The following CNGB3 variants were observed in gnomAD, a reference collection of about 807,000 sequenced individuals.
CNGB3 encodes the protein cyclic nucleotide gated channel subunit beta 3.
Under a neutral mutation model 92.8 loss-of-function variants are expected in CNGB3, and 86 were observed. That is an observed-to-expected ratio of 0.93 (90% CI 0.78 to 1.11). CNGB3 has a LOEUF of 1.11. Ranked by LOEUF, CNGB3 falls within the 50% of genes least tolerant of loss-of-function variation. CNGB3 has a pLI of 0.00. For synonymous variants in CNGB3, 333 were observed against 332.7 expected (o/e 1.00, Z -0.01); for missense variants, 1,026 against 956.8 (o/e 1.07, Z -0.95).
At chr8:86,659,910 GA>G in intron 6 of CNGB3, 1 of 387,756 alleles carries the variant, frequency 2.6e-6, no homozygotes, top group South Asian at 2.2e-5. Flanking sequence ...TGTAGACTCA[GA>G]GGCAAGACAA....
intron 12 of CNGB3, 75 bp from the exon 13 acceptor site, chr8:86,626,155 A>C: frequency 8.7e-7 from 1 of 1,143,386 alleles, no homozygotes; most frequent in Non-Finnish European, 1.3e-6. Flanking sequence ...CAAGTAGAAA[A>C]ATTTTTAAAA....
rs996610472 is a variant in CNGB3, at chr8:86,584,615, C to G, written c.1782-5363G>C. On this transcript the variant is annotated intron_variant, in intron 15 of 17. Transcript: ENST00000320005. Reference sequence around the variant, plus strand: ...GTCCACAAAATGCTTCTCCAGCATTCCACCCATGGAAAGTTTCACTCATTA... The same window carrying G: ...GTCCACAAAATGCTTCTCCAGCATTGCACCCATGGAAAGTTTCACTCATTA... Among the ~76,000 whole-genome samples, 4 of 151,950 alleles carry G rather than the reference C, an allele frequency of 2.6e-5. No homozygotes were observed. In the East Asian group the frequency reaches 7.7e-4, roughly 29 times the overall value.
intron 8 of CNGB3, among the ~76,000 whole-genome samples, chr8:86,645,092 T>C (rs1017372712): frequency 6.6e-6 from 1 of 151,408 alleles, no homozygotes; most frequent in African/African-American, 2.4e-5. Flanking sequence ...TTAAGTCTTA[T>C]TGCTCAACAC....
chr8:86,699,504 C>T (rs1372588453), intron 3 of CNGB3, among the ~76,000 whole-genome samples: 2 of 152,068 alleles, frequency 1.3e-5, no homozygotes, highest in Non-Finnish European at 2.9e-5. Context: ...ATAAAAAAGA[C>T]TACTGAATGT....
Position 86,742,152 on chromosome 8 carries a change from A to G in CNGB3, c.129+1347T>C, listed in dbSNP as rs190777025. Among the ~76,000 whole-genome samples the G allele has an allele frequency of 1.8e-4, 28 of 152,358 alleles. No homozygotes were observed. In the Middle Eastern group the frequency reaches 0.01, roughly 56 times the overall value. On this transcript the variant is annotated intron_variant, in intron 1 of 17. Coordinates refer to ENST00000320005, the MANE Select transcript of CNGB3 (RefSeq NM_019098.5). ...TTACAATGTTCTCCAAGAGAATAAT[A>G]TATTAGCTATTAACGGTTTTTATGT...
intron 2 of CNGB3, among the ~76,000 whole-genome samples, chr8:86,736,506 G>C (rs1438943722): frequency 1.3e-5 from 2 of 152,014 alleles, no homozygotes; most frequent in African/African-American, 4.8e-5. Flanking sequence ...GTAATCCTTG[G>C]TTTTATGCTA....
intron 14 of CNGB3, among the ~76,000 whole-genome samples, chr8:86,607,722 T>A (rs990353054): frequency 6.6e-6 from 1 of 152,304 alleles, no homozygotes; most frequent in South Asian, 2.1e-4. Context: ...AAACTCCCAC[T>A]CTTTCAACCA....
chr8:86,731,399 T>C (rs1190925803), intron 2 of CNGB3, among the ~76,000 whole-genome samples: 2 of 152,184 alleles, frequency 1.3e-5, no homozygotes, highest in East Asian at 3.8e-4. Flanking sequence ...GGGATCTTTG[T>C]ATTTAGGAAG....
chr8:86,613,311 A>G (rs1337505028), intron 13 of CNGB3, among the ~76,000 whole-genome samples: 1 of 152,190 alleles, frequency 6.6e-6, no homozygotes, highest in African/African-American at 2.4e-5. Flanking sequence ...TCTAAAAGGC[A>G]TGGTTCTTTT....
chr8:86,661,352 CT>C (rs1823637080), intron 6 of CNGB3: 1 of 399,152 alleles, frequency 2.5e-6, no homozygotes, highest in Admixed American at 3.3e-5. Context: ...TATTGCTTTG[CT>C]TTTGCCAGAA....
chr8:86,644,878 G>A (rs923205142), intron 8 of CNGB3, among the ~76,000 whole-genome samples, 192 bp from the exon 9 acceptor site: 14 of 150,842 alleles, frequency 9.3e-5, no homozygotes, highest in Admixed American at 4.0e-4. Context: ...TACTTCCAGA[G>A]CTTTATTTTG....
Position 86,659,004 on chromosome 8 carries a change from A to G in CNGB3, c.853-4942T>C, listed in dbSNP as rs1823575109. 4 of 1,044,864 alleles carry G rather than the reference A, an allele frequency of 3.8e-6. No homozygotes were observed. The South Asian group carries it at 5.3e-5, about 14-fold the overall frequency. 64.7% of individuals were successfully genotyped at this position (1,044,864 alleles called of 1,614,324 possible). On this transcript the variant is annotated intron_variant, in intron 6 of 17. Transcript: ENST00000320005. Reference sequence around the variant, plus strand: ...TTGGAGCTGTCCTGCCAGACCCTCCAGCTCCTTCCGCAGGTGCTCGGCCTC... The same window carrying G: ...TTGGAGCTGTCCTGCCAGACCCTCCGGCTCCTTCCGCAGGTGCTCGGCCTC...
At chr8:86,647,737 CATTATAGGGAAATAGAAATATTT>C in intron 8 of CNGB3, 41 bp downstream of exon 8, 1 of 915,138 alleles carries the variant, frequency 1.1e-6, no homozygotes, top group East Asian at 2.4e-5. Flanking sequence ...TCAAGATTTC[CATTATAGGGAAATAGAAATATTT>C]CCATTATAAG....
At chr8:86,703,577 A>C (rs576932764) in intron 3 of CNGB3, among the ~76,000 whole-genome samples, 2 of 152,288 alleles carry the variant, frequency 1.3e-5, no homozygotes, top group South Asian at 4.1e-4. Flanking sequence ...GTGTTAAACG[A>C]CACTGTTCAA....
At position 86,668,138 on chromosome 8, in the gene CNGB3, T is replaced by C. The variant is rs374926686; in HGVS notation, c.524A>G (p.Glu175Gly). Residue 175 changes from glutamate (E) to glycine (G), a missense_variant, in exon 5 of 18, where the codon GAA becomes GGA. By Grantham distance (98) the Glu-to-Gly change is moderately conservative (BLOSUM62 -2). Transcript: ENST00000320005. ...ATGTTCTGTTGGCTTATCATCGCTT[T>C]CTTTTACTGGTGGTACAGCCGTGGG... Reference protein sequence around the residue: ...AKPTAVPPVKESDDKPTEHYY... With the variant: ...AKPTAVPPVKGSDDKPTEHYY... 1 of 1,614,040 alleles carries C rather than the reference T, an allele frequency of 6.2e-7. No individual in the cohort carries two copies. Among genetic ancestry groups the C allele is most frequent in the South Asian group, 1.1e-5 (1 of 91,074 alleles).
chr8:86,658,112 C>T (rs183332293), intron 6 of CNGB3: 44 of 529,650 alleles, frequency 8.3e-5, no homozygotes, highest in African/African-American at 4.9e-4. Context: ...CACACAGAAT[C>T]GCCTCCAGTC....
chr8:86,587,961 T>A (rs1385165641), intron 15 of CNGB3, among the ~76,000 whole-genome samples: 4 of 150,900 alleles, frequency 2.7e-5, no homozygotes, highest in Non-Finnish European at 5.9e-5. Flanking sequence ...TGATTCTTCC[T>A]ACCCATGAGC....
chr8:86,657,919 A>G, intron 6 of CNGB3: 1 of 550,080 alleles, frequency 1.8e-6, no homozygotes, highest in Admixed American at 1.9e-5. Flanking sequence ...ACCACCGTGC[A>G]GCTCCCCCTG....
intron 3 of CNGB3, among the ~76,000 whole-genome samples, chr8:86,701,644 G>T (rs1563760101): frequency 6.6e-6 from 1 of 152,124 alleles, no homozygotes; most frequent in Non-Finnish European, 1.5e-5. Flanking sequence ...TTCTTTCCCA[G>T]TGAAAGCCCG....
Sources: allele counts gnomAD v4.1 joint callset (sites outside exome capture counted in the v4.1 genomes callset), GRCh38; gene constraint gnomAD v4.1.1; transcripts MANE v1.5; gene names NCBI Gene and HGNC (gene_info 2026-07-23, HGNC 2026-07-21).